The following ST7 variants were observed in gnomAD, a reference collection of about 807,000 sequenced individuals.
ST7 encodes the protein suppressor of tumorigenicity 7 protein.
ST7 carries 28 observed loss-of-function variants against 78.7 expected under a neutral mutation model. The ratio of observed to expected loss-of-function variants is 0.36; its 90% CI spans 0.26 to 0.49. The LOEUF (loss-of-function observed/expected upper bound fraction) is 0.49, where lower values mean the gene tolerates loss of function less well. Ranked by LOEUF, ST7 falls within the 20% of genes least tolerant of loss-of-function variation. ST7 has a pLI of 0.99. For synonymous variants in ST7, 247 were observed against 249.6 expected, an observed-to-expected ratio of 0.99 and a Z score of 0.10; for missense variants, 418 against 696.0, an observed-to-expected ratio of 0.60 and a Z score of 4.49.
chr7:117,142,322 AG>A (rs1193614796), intron 9 of ST7, among the ~76,000 whole-genome samples: 1 of 152,110 alleles, frequency 6.6e-6, no homozygotes, highest in East Asian at 1.9e-4. Context: ...GCTGTGCTTC[AG>A]TCATTCGGTC....
chr7:117,004,682 A>G lies in ST7; in HGVS notation c.151+50991A>G, dbSNP rs573669961. Among the ~76,000 whole-genome samples the G allele has an allele frequency of 2.4e-4, 36 of 152,212 alleles. No individual in the cohort carries two copies. In the South Asian group the frequency reaches 5.6e-3, roughly 24 times the overall value. On this transcript the variant is annotated intron_variant, in intron 1 of 15. Coordinates refer to ENST00000323984, the MANE Select transcript of ST7 (RefSeq NM_001369598.1). ...TCTCAAAATAAATAAATAAATACATACATACATAAAATAAAAATAAAAATA... is the reference window on the plus strand; with the variant it reads ...TCTCAAAATAAATAAATAAATACATGCATACATAAAATAAAAATAAAAATA...
chr7:117,217,906 A>G (rs369560050), intron 13 of ST7, among the ~76,000 whole-genome samples: 1 of 152,230 alleles, frequency 6.6e-6, no homozygotes, highest in Non-Finnish European at 1.5e-5. Flanking sequence ...AATCACATAC[A>G]TAATGTTTTT....
At chr7:117,163,037 G>A (rs182637118) in intron 9 of ST7, among the ~76,000 whole-genome samples, 146 of 152,188 alleles carry the variant, frequency 9.6e-4, no homozygotes, top group African/African-American at 2.3e-3. Context: ...TTAACTTTCC[G>A]TTCCTGGCTT....
chr7:117,044,777 AAC>A (rs1797406386), intron 1 of ST7, among the ~76,000 whole-genome samples: 1 of 152,090 alleles, frequency 6.6e-6, no homozygotes, highest in Admixed American at 6.5e-5. Flanking sequence ...CACCTCTCTA[AAC>A]ACTGTGTATT....
chr7:117,104,023 A>G (rs1801760630), intron 2 of ST7, among the ~76,000 whole-genome samples: 1 of 152,180 alleles, frequency 6.6e-6, no homozygotes, highest in African/African-American at 2.4e-5. Context: ...AGAAATGCAG[A>G]CCAAAACCAC....
chr7:117,010,729 A>G (rs1227823029), intron 1 of ST7, among the ~76,000 whole-genome samples: 2 of 152,240 alleles, frequency 1.3e-5, no homozygotes, highest in African/African-American at 2.4e-5. Context: ...CTGGTATTTT[A>G]AAACATGTGT....
chr7:117,112,706 T>C (rs1413495652), intron 2 of ST7: 3 of 152,142 alleles, frequency 2.0e-5, no homozygotes, highest in African/African-American at 7.2e-5. Flanking sequence ...GGAAACTTGA[T>C]TAGAAGGGCT....
chr7:117,071,998 A>G (rs553338686), intron 1 of ST7: 4 of 152,358 alleles, frequency 2.6e-5, no homozygotes, highest in Non-Finnish European at 5.9e-5. Context: ...ATACTCTTCC[A>G]CAGTCTATTT....
chr7:116,972,748 C>T, intron 1 of ST7: 1 of 925,442 alleles, frequency 1.1e-6, no homozygotes. Context: ...CAGCTGGATC[C>T]TACGGTTCAA....
intron 1 of ST7, among the ~76,000 whole-genome samples, chr7:117,097,284 G>T (rs1160548321): frequency 1.3e-5 from 2 of 150,340 alleles, no homozygotes. Flanking sequence ...GTACAGATAT[G>T]AATGTTTATA....
At chr7:117,191,670 C>T (rs1249321317) in intron 12 of ST7, 3 of 152,122 alleles carry the variant, frequency 2.0e-5, no homozygotes, top group Non-Finnish European at 4.4e-5. Context: ...ATCATCTTCT[C>T]TGAGGGAGGA....
chr7:117,156,063 A>G (rs900807894), intron 9 of ST7, among the ~76,000 whole-genome samples: 4 of 152,190 alleles, frequency 2.6e-5, no homozygotes, highest in African/African-American at 9.7e-5. Flanking sequence ...TGCTGTACCA[A>G]CATTCACGAA....
At chr7:117,184,944 G>A (rs747456845) in intron 10 of ST7, among the ~76,000 whole-genome samples, 51 of 152,174 alleles carry the variant, frequency 3.4e-4, no homozygotes, top group East Asian at 2.1e-3. Context: ...TAATTATGTC[G>A]AAATATTAAG....
intron 1 of ST7, among the ~76,000 whole-genome samples, chr7:116,981,095 G>T (rs1793937825): frequency 6.6e-6 from 1 of 151,644 alleles, no homozygotes; most frequent in Non-Finnish European, 1.5e-5. Flanking sequence ...CATTCAATTT[G>T]AATTTGTTCA....
chr7:117,166,049 C>T (rs145179853), intron 9 of ST7, among the ~76,000 whole-genome samples: 1,676 of 151,886 alleles, frequency 0.011, 6 homozygotes, highest in Non-Finnish European at 0.018. Context: ...GTCCCCCTCC[C>T]CAGTTTATAG....
At chr7:117,048,091 C>CTGT (rs1797584890) in intron 1 of ST7, among the ~76,000 whole-genome samples, 1 of 151,964 alleles carries the variant, frequency 6.6e-6, no homozygotes, top group African/African-American at 2.4e-5. Context: ...AATATATTTA[C>CTGT]TGTTCATTAA....
intron 12 of ST7, among the ~76,000 whole-genome samples, chr7:117,199,998 T>C (rs1472645747): frequency 6.6e-6 from 1 of 152,148 alleles, no homozygotes; most frequent in Non-Finnish European, 1.5e-5. Flanking sequence ...GTCCCCAGAA[T>C]TGAGCCTTGG....
intron 1 of ST7, among the ~76,000 whole-genome samples, chr7:116,965,417 G>T (rs1230164561): frequency 6.6e-6 from 1 of 151,916 alleles, no homozygotes; most frequent in Non-Finnish European, 1.5e-5. Context: ...AGGGTGGGGG[G>T]CAAGGGGAGG....
intron 1 of ST7, among the ~76,000 whole-genome samples, chr7:117,094,160 C>T (rs896875239): frequency 5.9e-5 from 9 of 152,180 alleles, no homozygotes; most frequent in Non-Finnish European, 1.2e-4. Context: ...AATCAATATT[C>T]CATGTATTTG....
Sources: gnomAD v4.1 joint callset for allele counts (sites outside exome capture counted in the v4.1 genomes callset) on GRCh38, gnomAD v4.1.1 for gene constraint, MANE v1.5 for transcripts, NCBI Gene and HGNC (gene_info 2026-07-23, HGNC 2026-07-21) for gene names.